TNS3: variants seen among roughly 807,000 people sequenced by gnomAD.
The protein encoded by TNS3 is tensin 3, also known as tensin-3.
TNS3 carries 45 observed loss-of-function variants against 140.9 expected under a neutral mutation model. The observed-to-expected ratio is 0.32, with a 90% confidence interval of 0.25 to 0.41. The LOEUF (loss-of-function observed/expected upper bound fraction) is 0.41, where lower values mean the gene tolerates loss of function less well. Among genes scored for constraint, TNS3 ranks in the 10% least tolerant of loss-of-function variants. TNS3 has a pLI of 1.00. For missense variants in TNS3, 1,716 were observed against 1,906.7 expected, an observed-to-expected ratio of 0.90 and a Z score of 1.86; for synonymous variants, 815 against 788.4, an observed-to-expected ratio of 1.03 and a Z score of -0.56.
intron 1 of TNS3, among the ~76,000 whole-genome samples, chr7:47,565,397 C>A (rs1800408070): frequency 6.6e-6 from 1 of 151,204 alleles, no homozygotes; most frequent in Admixed American, 6.6e-5. Context: ...GACAGAGGCT[C>A]ACTCTTTCGC....
rs370183609 is a variant in TNS3 at position 47,425,610 on chromosome 7, C to G, written c.390-1426G>C. 1.1e-3 allele frequency among the ~76,000 whole-genome samples: 161 copies of G among 152,344 alleles called. 6 individuals carry two copies. In the South Asian group the frequency reaches 0.032, roughly 31 times the overall value. On this transcript the variant is annotated intron_variant, in intron 9 of 30. Coordinates refer to ENST00000311160, the MANE Select transcript of TNS3 (RefSeq NM_022748.12). ...GCCCACTTTAGCACCGAGTCCATCACATACTGAGCAGCAGAGTGCAGCTCC... is the reference window on the plus strand; with the variant it reads ...GCCCACTTTAGCACCGAGTCCATCAGATACTGAGCAGCAGAGTGCAGCTCC...
At position 47,345,050 on chromosome 7, in the gene TNS3, A is replaced by G; in HGVS notation, c.2452-12T>C. 1 of 1,607,604 alleles carries G rather than the reference A, an allele frequency of 6.2e-7. No individual in the cohort carries two copies. The highest frequency in any genetic ancestry group is 8.5e-7 in the Non-Finnish European group (1 of 1,175,188). ...CCAGGGGTCATCGTCTGAAATTGGC[A>G]CAGGGAGTAGAATGTGAGAACAGGG... On this transcript the variant is annotated splice_polypyrimidine_tract_variant and intron_variant, in intron 18 of 30. Coordinates refer to ENST00000311160, the MANE Select transcript of TNS3 (RefSeq NM_022748.12).
At chr7:47,580,047 C>T (rs1784491410) in intron 1 of TNS3, among the ~76,000 whole-genome samples, 1 of 80,722 alleles carries the variant, frequency 1.2e-5, no homozygotes. Context: ...TAAGTAGTGC[C>T]CTGGGGCTAC....
chr7:47,312,878 T>C (rs1333973641), intron 20 of TNS3, among the ~76,000 whole-genome samples: 2 of 151,812 alleles, frequency 1.3e-5, no homozygotes, highest in African/African-American at 2.4e-5. Context: ...TAAAGTATAA[T>C]AATAATAAAA....
chr7:47,472,381 C>T (rs1009799096), intron 4 of TNS3, among the ~76,000 whole-genome samples: 1 of 152,186 alleles, frequency 6.6e-6, no homozygotes, highest in African/African-American at 2.4e-5. Flanking sequence ...CATAGCACGT[C>T]GTTTCCTTAC....
chr7:47,477,144 G>A (rs1797227151), intron 4 of TNS3, among the ~76,000 whole-genome samples: 1 of 152,180 alleles, frequency 6.6e-6, no homozygotes, highest in South Asian at 2.1e-4. Flanking sequence ...TCCTGTCCTG[G>A]GATGTCGGTA....
intron 16 of TNS3, among the ~76,000 whole-genome samples, chr7:47,382,072 T>C (rs1791797808): frequency 6.6e-6 from 1 of 152,188 alleles, no homozygotes; most frequent in African/African-American, 2.4e-5. Context: ...TCCTACAGGA[T>C]ACAAATCTTA....
intron 27 of TNS3, among the ~76,000 whole-genome samples, chr7:47,285,320 T>C (rs544012300): frequency 9.2e-5 from 14 of 152,342 alleles, no homozygotes; most frequent in Non-Finnish European, 1.3e-4. Flanking sequence ...CCAAATCTCA[T>C]CTTGAATTGT....
intron 4 of TNS3, among the ~76,000 whole-genome samples, chr7:47,444,203 C>G (rs1387664725): frequency 6.6e-6 from 1 of 152,132 alleles, no homozygotes; most frequent in Non-Finnish European, 1.5e-5. Context: ...GGAGTTTGAT[C>G]GACCATGGTC....
chr7:47,373,094 GCCTCT>G (rs1791172601), intron 16 of TNS3, among the ~76,000 whole-genome samples: 1 of 152,136 alleles, frequency 6.6e-6, no homozygotes, highest in African/African-American at 2.4e-5. Flanking sequence ...AGGAGAAGGG[GCCTCT>G]GGAACACACC....
intron 3 of TNS3, among the ~76,000 whole-genome samples, chr7:47,501,118 A>G (rs1798199631): frequency 7.0e-6 from 1 of 143,082 alleles, no homozygotes; most frequent in Admixed American, 7.1e-5. Context: ...GGAGAAAGGG[A>G]GAAGAGGAGA....
At chr7:47,573,148 C>A (rs1013307871) in intron 1 of TNS3, among the ~76,000 whole-genome samples, 1 of 152,232 alleles carries the variant, frequency 6.6e-6, no homozygotes, top group South Asian at 2.1e-4. Flanking sequence ...GAGACCACGG[C>A]CCCAAGGACT....
rs1340250057 is a variant in TNS3 at position 47,461,516 on chromosome 7, G to C, written c.-75-19461C>G. Among the ~76,000 whole-genome samples the C allele has an allele frequency of 2.0e-5, 3 of 152,228 alleles. No individual in the cohort carries two copies. In the East Asian group the frequency reaches 5.8e-4, roughly 29 times the overall value. On this transcript the variant is annotated intron_variant, in intron 4 of 30. Transcript: ENST00000311160. The stretch of plus-strand genomic sequence containing the variant: ...GTAGGAACTAGATGAAGACCGAAGG[G>C]GCCCAGGGCCTTCCTCACCACCCCT...
intron 10 of TNS3, among the ~76,000 whole-genome samples, chr7:47,423,418 G>A (rs945985194): frequency 5.9e-5 from 9 of 152,206 alleles, no homozygotes; most frequent in African/African-American, 2.2e-4. Context: ...TCAGCCTGCT[G>A]GGGTGGGCAG....
intron 1 of TNS3, chr7:47,539,266 G>T: frequency 2.7e-6 from 1 of 375,160 alleles, no homozygotes; most frequent in Non-Finnish European, 5.4e-6. Context: ...GGTTGAAGGT[G>T]GCTTTTTATT....
chr7:47,336,189 TAA>T (rs10551215), intron 20 of TNS3, among the ~76,000 whole-genome samples: 10,210 of 132,908 alleles, frequency 0.077, 1,118 homozygotes, highest in African/African-American at 0.25. Context: ...CAAGCAGAGT[TAA>T]AAAAAAAAAA....
intron 20 of TNS3, among the ~76,000 whole-genome samples, chr7:47,342,529 T>C (rs1269660044): frequency 6.6e-6 from 1 of 152,244 alleles, no homozygotes; most frequent in Non-Finnish European, 1.5e-5. Context: ...GGTTATTCCA[T>C]GACTGTGAGA....
At chr7:47,508,463 A>G (rs970271686) in intron 2 of TNS3, among the ~76,000 whole-genome samples, 3 of 152,250 alleles carry the variant, frequency 2.0e-5, no homozygotes, top group Non-Finnish European at 4.4e-5. Context: ...AAGTCCAGAC[A>G]GAAACCATCC....
At chr7:47,477,014 A>G (rs570155640) in intron 4 of TNS3, among the ~76,000 whole-genome samples, 7 of 152,336 alleles carry the variant, frequency 4.6e-5, no homozygotes, top group African/African-American at 1.2e-4. Flanking sequence ...CGCCACAATC[A>G]CGGAAAAGGT....
Sources: gnomAD v4.1 joint callset for allele counts (sites outside exome capture counted in the v4.1 genomes callset) on GRCh38, gnomAD v4.1.1 for gene constraint, MANE v1.5 for transcripts, NCBI Gene and HGNC (gene_info 2026-07-23, HGNC 2026-07-21) for gene names.